The following CCSER1 variants were observed in gnomAD, a reference collection of about 807,000 sequenced individuals.
CCSER1 encodes the protein serine-rich coiled-coil domain-containing protein 1.
Under a neutral mutation model 82.0 loss-of-function variants are expected in CCSER1, and 41 were observed. The observed-to-expected ratio is 0.50, with a 90% CI of 0.39 to 0.65. CCSER1 has a LOEUF of 0.65. Among genes scored for constraint, CCSER1 ranks in the 30% least tolerant of loss-of-function variants. The pLI, the probability that CCSER1 is intolerant of heterozygous loss-of-function variation, is 0.00. For missense variants in CCSER1, 1,119 were observed against 1,064.2 expected (o/e 1.05, Z -0.72); for synonymous variants, 414 against 383.9 (o/e 1.08, Z -0.92).
intron 10 of CCSER1, among the ~76,000 whole-genome samples, chr4:91,183,780 T>C (rs1036243726): frequency 6.6e-6 from 1 of 152,190 alleles, no homozygotes; most frequent in Non-Finnish European, 1.5e-5. Context: ...TTGAGGCTTA[T>C]GGACTTGCTT....
At chr4:90,586,520 T>C (rs1579312126) in intron 5 of CCSER1, among the ~76,000 whole-genome samples, 1 of 152,304 alleles carries the variant, frequency 6.6e-6, no homozygotes, top group East Asian at 1.9e-4. Flanking sequence ...TTCAAAGGAT[T>C]ATTAAAAGTA....
At chr4:91,518,789 A>G (rs1158035197) in intron 10 of CCSER1, among the ~76,000 whole-genome samples, 1 of 152,196 alleles carries the variant, frequency 6.6e-6, no homozygotes, top group Non-Finnish European at 1.5e-5. Context: ...TGCCTTTGAG[A>G]GACTCTTCCC....
chr4:90,646,219 G>C (rs569867259), intron 6 of CCSER1, among the ~76,000 whole-genome samples: 3 of 152,030 alleles, frequency 2.0e-5, no homozygotes, highest in Non-Finnish European at 4.4e-5. Context: ...TAGGAATTTT[G>C]GGGGAAAAAT....
intron 10 of CCSER1, among the ~76,000 whole-genome samples, chr4:91,261,849 A>G (rs1741206175): frequency 6.6e-6 from 1 of 152,182 alleles, no homozygotes; most frequent in African/African-American, 2.4e-5. Context: ...TGAAGTACAT[A>G]TGTCCATTTT....
intron 5 of CCSER1, among the ~76,000 whole-genome samples, chr4:90,551,311 G>A (rs967929569): frequency 2.0e-5 from 3 of 152,022 alleles, no homozygotes; most frequent in Non-Finnish European, 4.4e-5. Flanking sequence ...TCTGGTACCT[G>A]CTTTTTACTC....
chr4:90,707,425 CT>C (rs1384332202), intron 6 of CCSER1, among the ~76,000 whole-genome samples: 1 of 151,790 alleles, frequency 6.6e-6, no homozygotes, highest in African/African-American at 2.4e-5. Flanking sequence ...CATTAAATTC[CT>C]ACAGAATCTG....
At chr4:91,550,259 G>A (rs180821462) in intron 10 of CCSER1, among the ~76,000 whole-genome samples, 6 of 152,118 alleles carry the variant, frequency 3.9e-5, no homozygotes, top group Non-Finnish European at 8.8e-5. Context: ...TAAGGACTTC[G>A]TAGGGCTTTT....
Position 90,166,384 on chromosome 4 carries a change from A to G in CCSER1, c.-42+38553A>G, listed in dbSNP as rs751901691. Reference sequence around the variant, plus strand: ...TACTTTAGTGTTGTGTAATAGCAACACTAAAATAGTGACATAGAGTAAAAA... The same window carrying G: ...TACTTTAGTGTTGTGTAATAGCAACGCTAAAATAGTGACATAGAGTAAAAA... On this transcript the variant is annotated intron_variant, in intron 1 of 10. Transcript: ENST00000509176. 8.1e-4 allele frequency among the ~76,000 whole-genome samples: 123 copies of G among 152,052 alleles called. 3 individuals are homozygous for G. Among genetic ancestry groups the G allele is most frequent in the Admixed American group, 8.5e-4 (13 of 15,222 alleles).
intron 7 of CCSER1, among the ~76,000 whole-genome samples, chr4:90,754,607 A>G (rs1252122416): frequency 6.6e-6 from 1 of 152,154 alleles, no homozygotes; most frequent in African/African-American, 2.4e-5. Context: ...TTGTACCTTA[A>G]TGCAACCCAT....
chr4:90,188,412 C>T (rs543572931), intron 1 of CCSER1, among the ~76,000 whole-genome samples: 10 of 151,920 alleles, frequency 6.6e-5, no homozygotes, highest in African/African-American at 2.4e-4. Flanking sequence ...ATTAAGAAGT[C>T]TTCCAAGAGT....
chr4:90,511,539 T>G, intron 5 of CCSER1, among the ~76,000 whole-genome samples: 1 of 152,134 alleles, frequency 6.6e-6, no homozygotes. Flanking sequence ...TTGGTGCATA[T>G]AGGAAACCCT....
intron 9 of CCSER1, among the ~76,000 whole-genome samples, chr4:90,965,243 T>C (rs1734447543): frequency 6.6e-6 from 1 of 152,062 alleles, no homozygotes; most frequent in African/African-American, 2.4e-5. Flanking sequence ...AAATCTTAAA[T>C]GGAAAATCTG....
chr4:91,097,467 G>A (rs1236109189), intron 10 of CCSER1, among the ~76,000 whole-genome samples: 1 of 151,952 alleles, frequency 6.6e-6, no homozygotes, highest in Non-Finnish European at 1.5e-5. Context: ...GTCTTGGCAG[G>A]GATAATGTTG....
intron 5 of CCSER1, among the ~76,000 whole-genome samples, chr4:90,585,814 A>G (rs1781937820): frequency 1.3e-5 from 2 of 152,146 alleles, no homozygotes; most frequent in Non-Finnish European, 2.9e-5. Context: ...TCCCACTGAA[A>G]TTCTGATTAT....
At chr4:91,438,980 G>A (rs1056900223) in intron 10 of CCSER1, among the ~76,000 whole-genome samples, 9 of 152,204 alleles carry the variant, frequency 5.9e-5, no homozygotes, top group African/African-American at 2.2e-4. Context: ...ATGGGACTAT[G>A]TGAAAGGACC....
chr4:90,821,413 C>T (rs1011730099), intron 8 of CCSER1, among the ~76,000 whole-genome samples: 10 of 151,990 alleles, frequency 6.6e-5, no homozygotes, highest in African/African-American at 2.4e-4. Context: ...AAAGAACCAA[C>T]GTTCAGAATC....
chr4:90,515,278 T>G (rs1772113561), intron 5 of CCSER1, among the ~76,000 whole-genome samples: 1 of 152,248 alleles, frequency 6.6e-6, no homozygotes, highest in Non-Finnish European at 1.5e-5. Flanking sequence ...AAATTCTTGT[T>G]GATTATAGTT....
intron 4 of CCSER1, among the ~76,000 whole-genome samples, chr4:90,453,666 A>C (rs1029663789): frequency 6.6e-6 from 1 of 152,180 alleles, no homozygotes; most frequent in Non-Finnish European, 1.5e-5. Flanking sequence ...TGTGAGCCAA[A>C]ATATCCCTGC....
intron 10 of CCSER1, among the ~76,000 whole-genome samples, chr4:91,188,057 T>C (rs535653385): frequency 6.6e-6 from 1 of 152,126 alleles, no homozygotes; most frequent in South Asian, 2.1e-4. Flanking sequence ...GAAAATTGTT[T>C]AGCTAAGCTT....
Sources: gnomAD v4.1 joint callset for allele counts (sites outside exome capture counted in the v4.1 genomes callset) on GRCh38, gnomAD v4.1.1 for gene constraint, MANE v1.5 for transcripts, NCBI Gene and HGNC (gene_info 2026-07-23, HGNC 2026-07-21) for gene names.